The following DIAPH3 variants were observed in gnomAD, a reference collection of about 807,000 sequenced individuals.
DIAPH3 encodes the protein diaphanous related formin 3.
Under a neutral mutation model 144.3 loss-of-function variants are expected in DIAPH3, and 117 were observed. The observed-to-expected ratio is 0.81, with a 90% CI of 0.70 to 0.95. The LOEUF (loss-of-function observed/expected upper bound fraction) is 0.95, where lower values mean the gene tolerates loss of function less well. DIAPH3 is among the 40% of genes least tolerant of loss of function. The pLI, the probability that DIAPH3 is intolerant of heterozygous loss-of-function variation, is 0.00. For missense variants in DIAPH3, 1,421 were observed against 1,412.7 expected (o/e 1.01, Z -0.09); for synonymous variants, 519 against 488.9 (o/e 1.06, Z -0.81).
intron 4 of DIAPH3, among the ~76,000 whole-genome samples, chr13:60,046,070 A>G (rs537132613): frequency 6.6e-6 from 1 of 152,198 alleles, no homozygotes; most frequent in Non-Finnish European, 1.5e-5. Flanking sequence ...GGATTTAATT[A>G]TCTTCAAACA....
chr13:59,892,672 AAC>A (rs1295253487), intron 20 of DIAPH3, among the ~76,000 whole-genome samples: 1 of 152,078 alleles, frequency 6.6e-6, no homozygotes, highest in East Asian at 1.9e-4. Context: ...CAAAAAAGAT[AAC>A]ACAGACTCAT....
chr13:60,012,985 A>G (rs751808219), intron 7 of DIAPH3: 11 of 984,570 alleles, frequency 1.1e-5, no homozygotes, highest in Non-Finnish European at 1.3e-5. Flanking sequence ...ACTCTCAATT[A>G]TTTAAAAAAC....
At chr13:59,976,048 T>G (rs1424676889) in intron 14 of DIAPH3, among the ~76,000 whole-genome samples, 2 of 151,956 alleles carry the variant, frequency 1.3e-5, no homozygotes, top group African/African-American at 4.8e-5. Flanking sequence ...ACACCTCCCT[T>G]GCATAGTTTA....
chr13:59,988,475 C>T (rs1410033710), intron 12 of DIAPH3, among the ~76,000 whole-genome samples: 1 of 151,766 alleles, frequency 6.6e-6, no homozygotes, highest in Non-Finnish European at 1.5e-5. Context: ...TCCTCAACTC[C>T]ACAATGTCCA....
intron 27 of DIAPH3, among the ~76,000 whole-genome samples, chr13:59,724,295 T>C (rs75712621): frequency 0.043 from 6,521 of 152,314 alleles, 234 homozygotes; most frequent in Admixed American, 0.1. Context: ...AAAACTCGTG[T>C]GTGAACTATC....
chr13:59,973,391 T>C (rs561609166), intron 15 of DIAPH3, among the ~76,000 whole-genome samples: 1 of 152,110 alleles, frequency 6.6e-6, no homozygotes, highest in South Asian at 2.1e-4. Flanking sequence ...AAATGTTTCT[T>C]TCAATATGAG....
At chr13:60,102,041 C>T (rs1052899757) in intron 3 of DIAPH3, among the ~76,000 whole-genome samples, 2 of 152,098 alleles carry the variant, frequency 1.3e-5, no homozygotes, top group Admixed American at 6.5e-5. Context: ...AAATAAATTT[C>T]AATTCCCTAT....
At chr13:59,684,891 T>C (rs2033136414) in intron 27 of DIAPH3, among the ~76,000 whole-genome samples, 1 of 152,202 alleles carries the variant, frequency 6.6e-6, no homozygotes, top group Admixed American at 6.6e-5. Context: ...TGATAAATCC[T>C]ATGATGTGTA....
At chr13:59,768,016 G>A (rs374948334) in intron 27 of DIAPH3, among the ~76,000 whole-genome samples, 11 of 152,134 alleles carry the variant, frequency 7.2e-5, no homozygotes, top group African/African-American at 2.7e-4. Flanking sequence ...CAGGAGCCCT[G>A]CTGAGTCCAT....
At chr13:60,126,110 T>C (rs1415244297) in intron 2 of DIAPH3, among the ~76,000 whole-genome samples, 2 of 152,074 alleles carry the variant, frequency 1.3e-5, no homozygotes, top group African/African-American at 2.4e-5. Flanking sequence ...AGTTGAAAAC[T>C]TCAGAGGTGA....
At position 60,052,959 on chromosome 13, in the gene DIAPH3, T is replaced by A. The variant is rs1157677783; in HGVS notation, c.496-10139A>T. ...CTGGTGACAGAGCCAGACTCCCTCT[T>A]AAAAAAAAAAAAAAAAAAAAAGAAA... On this transcript the variant is annotated intron_variant, in intron 4 of 27. Coordinates refer to ENST00000400324, the MANE Select transcript of DIAPH3 (RefSeq NM_001042517.2). Among the ~76,000 whole-genome samples the A allele has an allele frequency of 1.1e-3, 44 of 40,632 alleles. 1 individual carries two copies. The highest frequency in any genetic ancestry group is 4.6e-3 in the African/African-American group (32 of 6,882). The allele number at this position is 40,632 out of a possible 152,430, so 26.7% of individuals were successfully genotyped here.
chr13:60,140,275 T>C (rs1031719922), intron 1 of DIAPH3, among the ~76,000 whole-genome samples: 2 of 152,216 alleles, frequency 1.3e-5, no homozygotes, highest in Admixed American at 1.3e-4. Context: ...TAGGAAACAA[T>C]TTGGTAAAAC....
intron 4 of DIAPH3, among the ~76,000 whole-genome samples, chr13:60,083,736 C>A (rs554371487): frequency 6.6e-6 from 1 of 151,596 alleles, no homozygotes; most frequent in Admixed American, 6.6e-5. Flanking sequence ...GACTCCCTCT[C>A]AAAAAAAAAT....
chr13:60,037,450 T>G (rs1227181907), intron 5 of DIAPH3, among the ~76,000 whole-genome samples: 1 of 151,984 alleles, frequency 6.6e-6, no homozygotes, highest in Non-Finnish European at 1.5e-5. Context: ...TATTCTTTGG[T>G]TCAAGAGAAG....
chr13:59,992,210 T>C (rs1566625605), intron 10 of DIAPH3, 24 bp from the exon 11 acceptor site: 1 of 1,551,656 alleles, frequency 6.4e-7, no homozygotes, highest in Non-Finnish European at 8.9e-7. Flanking sequence ...ATAGAAATTA[T>C]GATGAATGAT....
At chr13:59,787,611 G>A (rs2039106135) in intron 25 of DIAPH3, among the ~76,000 whole-genome samples, 1 of 152,000 alleles carries the variant, frequency 6.6e-6, no homozygotes, top group African/African-American at 2.4e-5. Context: ...GAAAGGATAA[G>A]CTGGAAAAAA....
intron 17 of DIAPH3, among the ~76,000 whole-genome samples, chr13:59,964,499 A>G (rs1275219736): frequency 6.6e-6 from 1 of 152,054 alleles, no homozygotes; most frequent in African/African-American, 2.4e-5. Flanking sequence ...AGATGTTACA[A>G]TGCATAAATT....
intron 27 of DIAPH3, among the ~76,000 whole-genome samples, chr13:59,687,901 C>T (rs1159158281): frequency 6.6e-6 from 1 of 152,044 alleles, no homozygotes; most frequent in African/African-American, 2.4e-5. Flanking sequence ...TTTCAGAGGG[C>T]TTTCTTGTGG....
chr13:59,906,016 T>C (rs572646808), intron 20 of DIAPH3, among the ~76,000 whole-genome samples: 9 of 152,200 alleles, frequency 5.9e-5, no homozygotes, highest in African/African-American at 2.2e-4. Context: ...AATAAGAAAA[T>C]GGAGGTATCA....
Sources: allele counts gnomAD v4.1 joint callset (sites outside exome capture counted in the v4.1 genomes callset), GRCh38; gene constraint gnomAD v4.1.1; transcripts MANE v1.5; gene names NCBI Gene and HGNC (gene_info 2026-07-23, HGNC 2026-07-21).